Variants in SIMC1 observed in about 807,000 individuals in gnomAD.
SIMC1 encodes SUMO-interacting motif-containing protein 1.
In SIMC1, 55 loss-of-function variants were observed where a neutral mutation model predicts 82.3. That is an observed-to-expected ratio of 0.67 (90% CI 0.54 to 0.84). The LOEUF is 0.84. SIMC1 is among the 40% of genes least tolerant of loss of function. The probability of loss-of-function intolerance (pLI) is 0.00; values close to 1 mark genes in which losing one functional copy is unlikely to be tolerated. For missense variants in SIMC1, 915 were observed against 1,107.2 expected (o/e 0.83, Z 2.46); for synonymous variants, 353 against 426.3 (o/e 0.83, Z 2.12).
chr5:176,288,455 A>AAATAAATAAATAAATG (rs1489370688), intron 1 of SIMC1, among the ~76,000 whole-genome samples: 9 of 151,820 alleles, frequency 5.9e-5, no homozygotes, highest in Non-Finnish European at 1.2e-4. Context: ...ATAAATAAAT[A>AAATAAATAAATAAATG]AATGGGAGAG....
intron 1 of SIMC1, among the ~76,000 whole-genome samples, chr5:176,247,255 C>T (rs1053620814): frequency 5.9e-5 from 9 of 152,172 alleles, no homozygotes; most frequent in Non-Finnish European, 1.2e-4. Context: ...TTCTCCACAT[C>T]CTCTCCAGCA....
chr5:176,276,591 TC>T lies in SIMC1; in HGVS notation c.130-13057del, dbSNP rs1220549637. Among the ~76,000 whole-genome samples, 38 of 96,104 alleles carry T rather than the reference TC, an allele frequency of 4.0e-4. No individual in the cohort carries two copies. The East Asian group carries it at 0.013, about 33-fold the overall frequency. The allele number at this position is 96,104 out of a possible 152,430, so 63.0% of individuals were successfully genotyped here. A position where few individuals can be genotyped will look rare whatever the true frequency, so the allele number is the denominator to read the frequency against. The stretch of plus-strand genomic sequence containing the variant: ...TAGGTATATCTCCCAATGCTATCCC[TC>T]CCCCCTCCCCCCACCCCACAACAGT... On this transcript the variant is annotated intron_variant, in intron 1 of 9. Transcript: ENST00000429602.
chr5:176,287,579 T>C (rs7708898), intron 1 of SIMC1, among the ~76,000 whole-genome samples: 88,526 of 151,770 alleles, frequency 0.58, 25,924 homozygotes, highest in Middle Eastern at 0.63. Context: ...TGTACACATA[T>C]GTAACAAACC....
chr5:176,313,686 C>T lies in SIMC1; in HGVS notation c.1735-5C>T. On this transcript the variant is annotated splice_region_variant and splice_polypyrimidine_tract_variant and intron_variant, in intron 4 of 9. Coordinates refer to ENST00000429602, the MANE Select transcript of SIMC1 (RefSeq NM_001308195.2). ...AAGACTGACTTCTCATTCTTTTTCCCACAGGGACAAACTCTGCCTGGGCGA... is the reference window on the plus strand; with the variant it reads ...AAGACTGACTTCTCATTCTTTTTCCTACAGGGACAAACTCTGCCTGGGCGA... The T allele has an allele frequency of 6.2e-7, 1 of 1,612,644 alleles. No individual in the cohort carries two copies. The highest frequency in any genetic ancestry group is 8.5e-7 in the Non-Finnish European group (1 of 1,179,356).
At chr5:176,286,370 A>C (rs1763283853) in intron 1 of SIMC1, among the ~76,000 whole-genome samples, 1 of 152,296 alleles carries the variant, frequency 6.6e-6, no homozygotes, top group African/African-American at 2.4e-5. Context: ...AAACCTGACA[A>C]AAACAAGCAA....
chr5:176,309,673 T>C (rs1269974466), intron 4 of SIMC1, among the ~76,000 whole-genome samples: 1 of 152,228 alleles, frequency 6.6e-6, no homozygotes, highest in East Asian at 1.9e-4. Flanking sequence ...TGGTAGCTCA[T>C]GCTTGTAATC....
intron 1 of SIMC1, among the ~76,000 whole-genome samples, chr5:176,264,813 T>C (rs1289772085): frequency 1.3e-5 from 2 of 152,134 alleles, no homozygotes; most frequent in Non-Finnish European, 2.9e-5. Context: ...AAAGCAATGA[T>C]ATTTGCTTTT....
chr5:176,340,891 A>G (rs565169047), intron 9 of SIMC1, among the ~76,000 whole-genome samples: 5 of 152,220 alleles, frequency 3.3e-5, no homozygotes, highest in Non-Finnish European at 7.3e-5. Context: ...TCACCCCTGT[A>G]ATCCTAACAC....
chr5:176,315,024 G>A (rs759591070), intron 5 of SIMC1, among the ~76,000 whole-genome samples: 3 of 152,206 alleles, frequency 2.0e-5, no homozygotes, highest in Non-Finnish European at 4.4e-5. Flanking sequence ...TGCATTAAAT[G>A]TGTTTTCAAC....
intron 4 of SIMC1, among the ~76,000 whole-genome samples, chr5:176,305,137 G>GCA (rs1491389294): frequency 8.6e-5 from 1 of 11,626 alleles, no homozygotes; most frequent in African/African-American, 3.8e-4. Context: ...CCATCCAGGA[G>GCA]GGGGGGGGGG....
In SIMC1 at chr5:176,290,807, C is replaced by G. The variant is rs746998991; in HGVS notation, c.1283C>G (p.Ala428Gly). 5.0e-6 allele frequency: 8 copies of G among 1,613,536 alleles called. No individual in the cohort carries two copies. In the South Asian group the frequency reaches 7.7e-5, roughly 16 times the overall value. ...ARKEISLSEPAKPGSAHVQSR... is the reference protein window; with the variant it reads ...ARKEISLSEPGKPGSAHVQSR... ...AAAGAAATATCACTGTCAGAGCCTG[C>G]CAAACCTGGGTCTGCCCACGTACAA... The change falls in exon 2 of 10, where the codon GCC becomes GGC. Residue 428 changes from alanine (A) to glycine (G), a missense_variant. By Grantham distance (60) the Ala-to-Gly change is moderately conservative. Transcript: ENST00000429602.
intron 3 of SIMC1, 60 bp from the exon 4 acceptor site, chr5:176,296,191 A>T: frequency 6.3e-7 from 1 of 1,597,772 alleles, no homozygotes; most frequent in Non-Finnish European, 8.5e-7. Context: ...TCACCTTCAG[A>T]TCCTATCCCT....
chr5:176,289,521 C>T (rs2113255855), intron 1 of SIMC1, 133 bp from the exon 2 acceptor site: 1 of 699,588 alleles, frequency 1.4e-6, no homozygotes, highest in Admixed American at 3.3e-5. Context: ...GCTTATGTTA[C>T]ACAAGATGTG....
intron 4 of SIMC1, among the ~76,000 whole-genome samples, chr5:176,298,801 T>G (rs1763924874): frequency 6.6e-6 from 1 of 152,068 alleles, no homozygotes; most frequent in Non-Finnish European, 1.5e-5. Flanking sequence ...TAACTTCAAG[T>G]AAGATATCTA....
chr5:176,290,625 A>G lies in SIMC1; in HGVS notation c.1101A>G (p.Pro367=). 1 of 1,614,004 alleles carries G rather than the reference A, an allele frequency of 6.2e-7. No homozygotes were observed. Residue 367 remains proline (P), a synonymous_variant, in exon 2 of 10, where the codon CCA becomes CCG. Transcript: ENST00000429602. The part of the protein sequence containing the change: ...THSPRDIPHL[P]GDRPDFTQND... ...CACCTAGAGACATCCCTCACTTACC[A>G]GGAGACAGGCCTGACTTTACCCAGA...
chr5:176,292,732 G>T lies in SIMC1; in HGVS notation c.1431+1777G>T, dbSNP rs147384516. Among the ~76,000 whole-genome samples the T allele has an allele frequency of 5.4e-3, 825 of 152,126 alleles. 19 individuals carry two copies. Among genetic ancestry groups the T allele is most frequent in the Admixed American group, 0.037 (568 of 15,274 alleles). ...CTTTTTGTACTTTTAGTAGAGACAG[G>T]GTTTCACCATGTTGTCCAGGCTTGT... is the stretch of plus-strand genomic sequence containing the variant. On this transcript the variant is annotated intron_variant, in intron 2 of 9. Transcript: ENST00000429602.
chr5:176,301,130 C>T (rs1581274151), intron 4 of SIMC1, among the ~76,000 whole-genome samples: 1 of 152,156 alleles, frequency 6.6e-6, no homozygotes, highest in Non-Finnish European at 1.5e-5. Context: ...GCCGTGTCCC[C>T]ACCCAAATCT....
chr5:176,313,806 A>T lies in SIMC1; in HGVS notation c.1850A>T (p.Asn617Ile). The T allele has an allele frequency of 1.2e-6, 2 of 1,613,886 alleles. No homozygotes were observed. The change falls in exon 5 of 10, where the codon AAC becomes ATC. Residue 617 changes from asparagine to isoleucine, a missense_variant. Coordinates refer to ENST00000429602, the MANE Select transcript of SIMC1 (RefSeq NM_001308195.2). ...CAGCACCTGCAGCAATCCATTGCAA[A>T]CATGGTGCTTTCCTGTGACAAGCAG... is the stretch of plus-strand genomic sequence containing the variant. ...QRQHLQQSIA[N>I]MVLSCDKQPH...
intron 1 of SIMC1, among the ~76,000 whole-genome samples, chr5:176,252,446 C>T (rs1459705396): frequency 6.6e-6 from 1 of 150,948 alleles, no homozygotes; most frequent in Non-Finnish European, 1.5e-5. Flanking sequence ...CAGAGACGCT[C>T]CTCACCTCCC....
Sources: gnomAD v4.1 joint callset for allele counts (sites outside exome capture counted in the v4.1 genomes callset) on GRCh38, gnomAD v4.1.1 for gene constraint, MANE v1.5 for transcripts, NCBI Gene and HGNC (gene_info 2026-07-23, HGNC 2026-07-21) for gene names.